Variants in RADIL observed in about 807,000 individuals in gnomAD.
RADIL encodes Rap associating with DIL domain.
In RADIL, 99 loss-of-function variants were observed where a neutral mutation model predicts 97.6. The observed-to-expected ratio is 1.01, with a 90% CI of 0.86 to 1.20. The LOEUF is 1.20. Ranked by LOEUF, RADIL falls within the 50% of genes most tolerant of loss-of-function variation. The pLI, the probability that RADIL is intolerant of heterozygous loss-of-function variation, is 0.00. For synonymous variants in RADIL, 803 were observed against 691.8 expected, an observed-to-expected ratio of 1.16 and a Z score of -2.52; for missense variants, 1,765 against 1,498.9, an observed-to-expected ratio of 1.18 and a Z score of -2.93.
chr7:4,838,054 AT>A (rs1783347242), intron 2 of RADIL: 1 of 985,304 alleles, frequency 1.0e-6, no homozygotes, highest in Non-Finnish European at 1.2e-6. Flanking sequence ...CAGCCTGTGC[AT>A]CTGCAGCCCG....
chr7:4,807,978 CCT>C lies in RADIL; in HGVS notation c.2140-2264_2140-2263del, dbSNP rs1272896320. On this transcript the variant is annotated intron_variant, in intron 9 of 14. Coordinates refer to ENST00000399583, the MANE Select transcript of RADIL (RefSeq NM_018059.5). ...CCCTGTCTCTCTCCTCTCCCTCCTC[CCT>C]CTCTCCCTGTCTCTCTCCCCTCCCT... Among the ~76,000 whole-genome samples the C allele has an allele frequency of 7.4e-4, 45 of 61,108 alleles. 2 individuals are homozygous for C. Among genetic ancestry groups the C allele is most frequent in the Non-Finnish European group, 1.2e-3 (40 of 34,364 alleles). 40.1% of individuals were successfully genotyped at this position (61,108 alleles called of 152,430 possible).
chr7:4,861,356 T>G (rs759009905), intron 2 of RADIL: 27 of 1,614,008 alleles, frequency 1.7e-5, no homozygotes, highest in Non-Finnish European at 2.1e-5. Flanking sequence ...CACAAATGCC[T>G]CCTCGACAGC....
Position 4,813,074 on chromosome 7 carries a change from T to TCTCTCTC in RADIL, c.2139+2203_2139+2204insGAGAGAG, listed in dbSNP as rs1562432542. Among the ~76,000 whole-genome samples the TCTCTCTC allele has an allele frequency of 0.029, 4,342 of 147,728 alleles. 77 individuals carry two copies. The highest frequency in any genetic ancestry group is 0.052 in the Middle Eastern group (15 of 288). The stretch of plus-strand genomic sequence containing the variant: ...TTCATCCTTACCCCAAGGTTCTTCT[T>TCTCTCTC]TCTCTCTCTCTCTCTCTCTCTCTCT... On this transcript the variant is annotated intron_variant, in intron 9 of 14. Coordinates refer to ENST00000399583, the MANE Select transcript of RADIL (RefSeq NM_018059.5). This position sits in a 1 kb window ranked among gnomAD's most constrained non-coding sequence, Gnocchi z 5.0.
At chr7:4,812,928 C>T (rs1782583668) in intron 9 of RADIL, among the ~76,000 whole-genome samples, 2 of 152,146 alleles carry the variant, frequency 1.3e-5, no homozygotes, top group African/African-American at 4.8e-5. Context: ...ATAACTTTTC[C>T]TCTTAAGACT....
intron 9 of RADIL, chr7:4,809,539 C>T (rs892823390): frequency 2.0e-6 from 2 of 985,292 alleles, no homozygotes; most frequent in South Asian, 4.7e-5. Flanking sequence ...TGCTCGGGAG[C>T]CCCCAGGCCC....
chr7:4,825,691 C>A (rs551018538), intron 5 of RADIL, among the ~76,000 whole-genome samples: 1 of 151,426 alleles, frequency 6.6e-6, no homozygotes, highest in East Asian at 2.0e-4. Flanking sequence ...GCCTGACCAA[C>A]ATGGTGAAAC....
In RADIL at chr7:4,813,097, T is replaced by C. The variant is rs1331047597; in HGVS notation, c.2139+2181A>G. ...CTTTCTCTCTCTCTCTCTCTCTCTC[T>C]CTCTTTCCTTTCTTTCTTTCTTTTC... On this transcript the variant is annotated intron_variant, in intron 9 of 14. Transcript: ENST00000399583. This position sits in a 1 kb window ranked among gnomAD's most constrained non-coding sequence, Gnocchi z 5.0. 6.6e-6 allele frequency among the ~76,000 whole-genome samples: 1 copy of C among 151,160 alleles called. No individual in the cohort carries two copies. Among genetic ancestry groups the C allele is most frequent in the African/African-American group, 2.5e-5 (1 of 40,754 alleles).
chr7:4,822,236 C>T lies in RADIL; in HGVS notation c.1615+158G>A, dbSNP rs577239242. 2.0e-5 allele frequency among the ~76,000 whole-genome samples: 3 copies of T among 152,310 alleles called. No individual in the cohort carries two copies. The highest frequency in any genetic ancestry group is 4.1e-4 in the South Asian group (2 of 4,822). On this transcript the variant is annotated intron_variant, in intron 6 of 14. Coordinates refer to ENST00000399583, the MANE Select transcript of RADIL (RefSeq NM_018059.5). The surrounding 1 kb of genome is among the most constrained non-coding windows in gnomAD (Gnocchi z 5.3). ...CAGCACCAGCCTCACAGGCCGTCCC[C>T]GAGCAACTGACACATGGCAGCCTAG...
chr7:4,870,302 G>A lies in RADIL; in HGVS notation c.535+7303C>T, dbSNP rs114110040. On this transcript the variant is annotated intron_variant, in intron 2 of 14. Transcript: ENST00000399583. ...ACTTAAACCCTCAAAACAAAAGAAC[G>A]ATACATTCTCTGTCAGTATATTCTC... 3.7e-3 allele frequency among the ~76,000 whole-genome samples: 570 copies of A among 152,228 alleles called. 4 individuals carry two copies. Among genetic ancestry groups the A allele is most frequent in the South Asian group, 0.028 (136 of 4,832 alleles).
chr7:4,836,438 C>G lies in RADIL; in HGVS notation c.703G>C (p.Glu235Gln), dbSNP rs1783302240. 1 of 1,595,732 alleles carries G rather than the reference C, an allele frequency of 6.3e-7. No individual in the cohort carries two copies. The highest frequency in any genetic ancestry group is 1.3e-5 in the African/African-American group (1 of 74,532). Residue 235 changes from glutamate (E) to glutamine (Q), a missense_variant, in exon 3 of 15, where the codon GAG becomes CAG. Transcript: ENST00000399583. ...ALPAAAQGPE[E>Q]PGPDAMRYSL... is the part of the protein sequence containing the mutation. ...TACCGCATGGCGTCGGGGCCGGGCT[C>G]CTCGGGGCCCTGGGCGGCAGCGGGC...
rs541795438 is a variant in RADIL, at chr7:4,867,290, T to C, written c.535+10315A>G. ...TATGCTCTGTAATCCAGCAGCTCCG[T>C]TCCTGGAAGAATGCCTCCGAGAACT... On this transcript the variant is annotated intron_variant, in intron 2 of 14. Coordinates refer to ENST00000399583, the MANE Select transcript of RADIL (RefSeq NM_018059.5). The surrounding 1 kb of genome is among the most constrained non-coding windows in gnomAD (Gnocchi z 4.1). Among the ~76,000 whole-genome samples the C allele has an allele frequency of 4.6e-5, 7 of 152,088 alleles. No individual in the cohort carries two copies. Among genetic ancestry groups the C allele is most frequent in the African/African-American group, 1.7e-4 (7 of 41,416 alleles).
At chr7:4,809,150 G>A (rs1050730470) in intron 9 of RADIL, 3 of 985,032 alleles carry the variant, frequency 3.0e-6, no homozygotes, top group Admixed American at 6.2e-5. Flanking sequence ...GGGGTGGCCC[G>A]GCCGCTTCTG....
intron 2 of RADIL, 26 bp downstream of exon 2, chr7:4,877,579 C>G: frequency 6.4e-7 from 1 of 1,565,416 alleles, no homozygotes; most frequent in Non-Finnish European, 8.6e-7. Context: ...ACCCACGGCT[C>G]TTCCTGAACC....
At chr7:4,816,186 A>T in intron 8 of RADIL, 42 bp downstream of exon 8, 7 of 1,561,462 alleles carry the variant, frequency 4.5e-6, no homozygotes, top group African/African-American at 1.4e-5. Flanking sequence ...CATGTCCAGG[A>T]ATGTGAGCCC....
chr7:4,819,474 C>T lies in RADIL; in HGVS notation c.1616-2123G>A, dbSNP rs1200047431. The stretch of plus-strand genomic sequence containing the variant: ...CGAGCCATTAAGAGGACACACCAGC[C>T]GGCTGCCCCTGCCCTGCCCCGAAAC... On this transcript the variant is annotated intron_variant, in intron 6 of 14. Transcript: ENST00000399583. This position sits in a 1 kb window ranked among gnomAD's most constrained non-coding sequence, Gnocchi z 5.8. Among the ~76,000 whole-genome samples the T allele has an allele frequency of 3.3e-5, 5 of 152,082 alleles. No homozygotes were observed. The highest frequency in any genetic ancestry group is 2.6e-4 in the Admixed American group (4 of 15,280).
At chr7:4,838,154 A>T in intron 2 of RADIL, 1 of 745,292 alleles carries the variant, frequency 1.3e-6, no homozygotes, top group Non-Finnish European at 1.6e-6. Flanking sequence ...TGCCGCCTGC[A>T]GAACCCGGCC....
intron 2 of RADIL, among the ~76,000 whole-genome samples, chr7:4,863,532 C>A (rs1259719075): frequency 1.3e-5 from 2 of 152,190 alleles, no homozygotes; most frequent in Non-Finnish European, 2.9e-5. Context: ...TTCTTGTACA[C>A]TATAGAATTG....
rs938238213 is a variant in RADIL, at chr7:4,879,853, C to G, written c.-64-1650G>C. Among the ~76,000 whole-genome samples, 21 of 152,216 alleles carry G rather than the reference C, an allele frequency of 1.4e-4. No individual in the cohort carries two copies. Among genetic ancestry groups the G allele is most frequent in the African/African-American group, 4.8e-4 (20 of 41,450 alleles). On this transcript the variant is annotated intron_variant, in intron 1 of 14. Transcript: ENST00000399583. The surrounding 1 kb of genome is among the most constrained non-coding windows in gnomAD (Gnocchi z 4.1). The stretch of plus-strand genomic sequence containing the variant: ...GTGGGTCATCTTCTCTGGAGCCTCT[C>G]ACTGCCCGCCAGAGCTGTCATGGGT...
chr7:4,859,997 G>A (rs1783937406), intron 2 of RADIL: 1 of 1,613,994 alleles, frequency 6.2e-7, no homozygotes, highest in Non-Finnish European at 8.5e-7. Context: ...CTTTGGTGAT[G>A]GAGAAATGGC....
Sources: allele counts gnomAD v4.1 joint callset (sites outside exome capture counted in the v4.1 genomes callset), GRCh38; gene constraint gnomAD v4.1.1; non-coding constraint Gnocchi (gnomAD v3.1); transcripts MANE v1.5; gene names NCBI Gene and HGNC (gene_info 2026-07-23, HGNC 2026-07-21).